Variants in BRCA2 observed in about 807,000 individuals in gnomAD.
BRCA2 encodes the protein BRCA2 DNA repair associated.
Under a neutral mutation model 276.7 loss-of-function variants are expected in BRCA2, and 203 were observed. The ratio of observed to expected loss-of-function variants is 0.73; its 90% CI spans 0.65 to 0.82. The LOEUF is 0.82. Ranked by LOEUF, BRCA2 falls within the 40% of genes least tolerant of loss-of-function variation. The pLI, the probability that BRCA2 is intolerant of heterozygous loss-of-function variation, is 0.00. For synonymous variants in BRCA2, 1,289 were observed against 1,338.4 expected, an observed-to-expected ratio of 0.96 and a Z score of 0.81; for missense variants, 3,920 against 3,915.0, an observed-to-expected ratio of 1.00 and a Z score of -0.03.
intron 20 of BRCA2, among the ~76,000 whole-genome samples, chr13:32,372,936 C>G (rs537123668): frequency 6.6e-6 from 1 of 151,242 alleles, no homozygotes; most frequent in Non-Finnish European, 1.5e-5. Context: ...AGAAATTGGC[C>G]AAAACAAAGG....
intron 9 of BRCA2, among the ~76,000 whole-genome samples, 200 bp downstream of exon 9, chr13:32,331,230 T>C (rs2072389547): frequency 6.6e-6 from 1 of 152,086 alleles, no homozygotes; most frequent in African/African-American, 2.4e-5. Flanking sequence ...TATTGTATTT[T>C]TAGTAGAGAT....
intron 24 of BRCA2, among the ~76,000 whole-genome samples, chr13:32,388,679 T>TTTTA (rs2072978094): frequency 6.6e-6 from 1 of 151,568 alleles, no homozygotes. Context: ...TTTTTTTTTT[T>TTTTA]GAGATTGAAA....
In BRCA2 at chr13:32,329,476, C is replaced by T. The variant is rs1555281352; in HGVS notation, c.665C>T (p.Pro222Leu). 1.9e-6 allele frequency: 3 copies of T among 1,597,800 alleles called. No homozygotes were observed. Among genetic ancestry groups the T allele is most frequent in the Non-Finnish European group, 2.6e-6 (3 of 1,167,108 alleles). Reference sequence around the variant, plus strand: ...GAAGAAGCATCTGAAACTGTATTTCCTCATGATACTACTGCTGTAAGTAAA... The same window carrying T: ...GAAGAAGCATCTGAAACTGTATTTCTTCATGATACTACTGCTGTAAGTAAA... ...RNEEASETVFPHDTTANVKSY... is the reference protein window; with the variant it reads ...RNEEASETVFLHDTTANVKSY... Residue 222 changes from proline to leucine, a missense_variant, in exon 8 of 27, where the codon CCT (proline) becomes CTT (leucine). Physicochemically the swap from Pro to Leu is moderately conservative, Grantham distance 98. Coordinates refer to ENST00000380152, the MANE Select transcript of BRCA2 (RefSeq NM_000059.4).
intron 20 of BRCA2, among the ~76,000 whole-genome samples, chr13:32,374,333 C>A (rs530666116): frequency 6.6e-6 from 1 of 152,200 alleles, no homozygotes; most frequent in African/African-American, 2.4e-5. Context: ...AATTCTTTCC[C>A]GGGAAATGGA....
intron 11 of BRCA2, among the ~76,000 whole-genome samples, chr13:32,343,750 G>A (rs563915675): frequency 1.3e-5 from 2 of 151,828 alleles, no homozygotes; most frequent in South Asian, 2.1e-4. Context: ...TGCTTTCAAC[G>A]GTGTTACTAC....
chr13:32,393,980 CT>C (rs1359891513), intron 24 of BRCA2, among the ~76,000 whole-genome samples: 1 of 152,138 alleles, frequency 6.6e-6, no homozygotes, highest in Non-Finnish European at 1.5e-5. Context: ...TTCCTGATTT[CT>C]TTTGCTCAAA....
At position 32,333,041 on chromosome 13, in the gene BRCA2, A is replaced by C. The variant is rs1593893243; in HGVS notation, c.1563A>C (p.Ser521=). 6.3e-7 allele frequency: 1 copy of C among 1,597,618 alleles called. No homozygotes were observed. The highest frequency in any genetic ancestry group is 2.2e-5 in the East Asian group (1 of 44,812). ...SPKETFNASF[S]GHMTDPNFKK... ...AAGAGACTTTCAATGCAAGTTTTTC[A>C]GGTCATATGACTGATCCAAACTTTA... Residue 521 remains serine, a synonymous_variant, in exon 10 of 27, where the codon TCA becomes TCC. Coordinates refer to ENST00000380152, the MANE Select transcript of BRCA2 (RefSeq NM_000059.4).
intron 24 of BRCA2, among the ~76,000 whole-genome samples, chr13:32,391,051 A>C (rs986063781): frequency 2.0e-5 from 3 of 152,228 alleles, no homozygotes; most frequent in African/African-American, 7.2e-5. Context: ...CTTCATGCTG[A>C]CAAAACAAAA....
Position 32,339,945 on chromosome 13 carries a change from G to A in BRCA2, c.5590G>A (p.Asp1864Asn), listed in dbSNP as rs587781536. 3.1e-6 allele frequency: 5 copies of A among 1,606,786 alleles called. No individual in the cohort carries two copies. The East Asian group carries it at 8.9e-5, about 29-fold the overall frequency. ...ACATGAAACAATTAAAAAAGTGAAAGACATATTTACAGACAGTTTCAGTAA... is the reference window on the plus strand; with the variant it reads ...ACATGAAACAATTAAAAAAGTGAAAAACATATTTACAGACAGTTTCAGTAA... ...VSHETIKKVK[D>N]IFTDSFSKVI... The change falls in exon 11 of 27, where the codon GAC (aspartate) becomes AAC (asparagine). Residue 1864 changes from aspartate to asparagine, a missense_variant. Physicochemically the swap from Asp to Asn is conservative, Grantham distance 23 (BLOSUM62 1). This residue lies in a region of BRCA2 where 3,263 missense variants were observed against 3,156.9 expected (regional missense o/e 1.03). Coordinates refer to ENST00000380152, the MANE Select transcript of BRCA2 (RefSeq NM_000059.4).
In BRCA2 at chr13:32,356,183, C is replaced by T. The variant is rs1438417119; in HGVS notation, c.7436-245C>T. Reference sequence around the variant, plus strand: ...TCAGCCTGCTGAATAGCTGGGATTACAGGCATGTGCCACCACACCTGGCTA... The same window carrying T: ...TCAGCCTGCTGAATAGCTGGGATTATAGGCATGTGCCACCACACCTGGCTA... On this transcript the variant is annotated intron_variant, in intron 14 of 26. Coordinates refer to ENST00000380152, the MANE Select transcript of BRCA2 (RefSeq NM_000059.4). Among the ~76,000 whole-genome samples, 3 of 151,600 alleles carry T rather than the reference C, an allele frequency of 2.0e-5. No individual in the cohort carries two copies. The East Asian group carries it at 5.9e-4, about 30-fold the overall frequency.
chr13:32,342,746 G>A (rs1404026851), intron 11 of BRCA2, among the ~76,000 whole-genome samples: 4 of 152,118 alleles, frequency 2.6e-5, no homozygotes, highest in Non-Finnish European at 2.9e-5. Context: ...GTAAAAATAC[G>A]GTATTAAAAT....
intron 3 of BRCA2, among the ~76,000 whole-genome samples, chr13:32,323,475 T>C (rs2072321874): frequency 6.6e-6 from 1 of 152,194 alleles, no homozygotes; most frequent in African/African-American, 2.4e-5. Context: ...TAAAGTCAAT[T>C]TTCTTTCAAG....
chr13:32,353,822 T>A (rs2072668728), intron 13 of BRCA2, among the ~76,000 whole-genome samples: 1 of 152,214 alleles, frequency 6.6e-6, no homozygotes, highest in African/African-American at 2.4e-5. Flanking sequence ...AGACCACGTA[T>A]GCTGAGAAAG....
intron 20 of BRCA2, among the ~76,000 whole-genome samples, chr13:32,376,388 G>T (rs906366090): frequency 3.3e-5 from 5 of 151,870 alleles, no homozygotes; most frequent in Non-Finnish European, 7.4e-5. Context: ...CGGGCATGTT[G>T]GATGTGCCTC....
chr13:32,368,535 A>G (rs1449252409), intron 18 of BRCA2, among the ~76,000 whole-genome samples: 6 of 146,266 alleles, frequency 4.1e-5, no homozygotes, highest in Admixed American at 4.1e-4. Context: ...TTTTTTTTTA[A>G]TGAAAACCTT....
chr13:32,355,587 C>T (rs562247203), intron 14 of BRCA2, among the ~76,000 whole-genome samples: 2 of 152,082 alleles, frequency 1.3e-5, no homozygotes, highest in Non-Finnish European at 2.9e-5. Flanking sequence ...TAGGGCCGGG[C>T]GTGGTGGCTC....
intron 26 of BRCA2, among the ~76,000 whole-genome samples, chr13:32,397,317 G>C (rs1162384521): frequency 1.3e-5 from 2 of 152,126 alleles, no homozygotes. Context: ...ATACAATTAG[G>C]GTTGTTTCTA....
chr13:32,375,394 G>A (rs1268223875), intron 20 of BRCA2: 1 of 452,048 alleles, frequency 2.2e-6, no homozygotes, highest in Non-Finnish European at 4.4e-6. Context: ...ATGAGGGTTG[G>A]AATCAACTTC....
chr13:32,320,218 G>C (rs1181318416), intron 3 of BRCA2, among the ~76,000 whole-genome samples: 1 of 152,216 alleles, frequency 6.6e-6, no homozygotes, highest in East Asian at 1.9e-4. Context: ...AATTGAATTT[G>C]TTTGGTTGGT....
Sources: allele counts gnomAD v4.1 joint callset (sites outside exome capture counted in the v4.1 genomes callset), GRCh38; gene constraint gnomAD v4.1.1; regional missense constraint gnomAD v4.1.1; transcripts MANE v1.5; gene names NCBI Gene and HGNC (gene_info 2026-07-23, HGNC 2026-07-21).